NDRG3: variants seen among roughly 807,000 people sequenced by gnomAD.
NDRG3 encodes the protein NDRG family member 3.
In NDRG3, 23 loss-of-function variants were observed where a neutral mutation model predicts 57.2. The observed-to-expected ratio is 0.40, with a 90% CI of 0.29 to 0.57. The LOEUF (loss-of-function observed/expected upper bound fraction) is 0.57. Ranked by LOEUF, NDRG3 falls within the 20% of genes least tolerant of loss-of-function variation. The pLI, the probability that NDRG3 is intolerant of heterozygous loss-of-function variation, is 0.42. For synonymous variants in NDRG3, 132 were observed against 162.6 expected (o/e 0.81, Z 1.43); for missense variants, 384 against 457.3 (o/e 0.84, Z 1.46).
intron 3 of NDRG3, among the ~76,000 whole-genome samples, chr20:36,700,113 CAAAA>C (rs1294581784): frequency 6.4e-5 from 3 of 47,104 alleles, no homozygotes; most frequent in Non-Finnish European, 1.4e-4. Flanking sequence ...CAATCAGTCT[CAAAA>C]AAAAAAAAAA....
chr20:36,653,806 C>T lies in NDRG3; in HGVS notation c.947-105G>A. The T allele has an allele frequency of 9.7e-7, 1 of 1,033,084 alleles. No individual in the cohort carries two copies. Among genetic ancestry groups the T allele is most frequent in the Admixed American group, 2.3e-5 (1 of 42,790 alleles). The allele number at this position is 1,033,084 out of a possible 1,614,324, so 64.0% of individuals were successfully genotyped here. ...ATGTTTAGCTTTTCCGACTCATTTA[C>T]CATGACACCCAGGACAAGATATAGC... On this transcript the variant is annotated intron_variant, in intron 15 of 15. Transcript: ENST00000349004. This position sits in a 1 kb window ranked among gnomAD's most constrained non-coding sequence, Gnocchi z 4.2.
intron 1 of NDRG3, among the ~76,000 whole-genome samples, chr20:36,725,206 A>G (rs1984849694): frequency 6.6e-6 from 1 of 152,156 alleles, no homozygotes; most frequent in African/African-American, 2.4e-5. Flanking sequence ...CTGAGGCAGG[A>G]GAATTGCTTG....
At chr20:36,728,731 G>C (rs369732465) in intron 1 of NDRG3, among the ~76,000 whole-genome samples, 23 of 151,184 alleles carry the variant, frequency 1.5e-4, no homozygotes, top group Middle Eastern at 3.5e-3. Flanking sequence ...TGTTTTTTTG[G>C]GGGGGAGGTT....
intron 8 of NDRG3, among the ~76,000 whole-genome samples, chr20:36,674,391 C>T (rs1980462016): frequency 6.6e-6 from 1 of 151,336 alleles, no homozygotes; most frequent in Non-Finnish European, 1.5e-5. Context: ...TTAGTAGAGA[C>T]AGGGTTTCTC....
rs141850127 is a variant in NDRG3 at position 36,733,146 on chromosome 20, CAAAAAAAAAAA to C, written c.-48-11374_-48-11364del. On this transcript the variant is annotated intron_variant, in intron 1 of 15. Transcript: ENST00000349004. ...TGGGTGACGGAACACGATCCTGTCT[CAAAAAAAAAAA>C]AAAAAAAAAAAAAAATATATATATA... Among the ~76,000 whole-genome samples, 122 of 38,806 alleles carry C rather than the reference CAAAAAAAAAAA, an allele frequency of 3.1e-3. 1 individual carries two copies. The highest frequency in any genetic ancestry group is 6.2e-3 in the African/African-American group (67 of 10,830). The allele number at this position is 38,806 out of a possible 152,430, so 25.5% of individuals were successfully genotyped here. A position where few individuals can be genotyped will look rare whatever the true frequency, so the allele number is the denominator to read the frequency against.
chr20:36,698,166 C>T (rs1396070265), intron 3 of NDRG3, among the ~76,000 whole-genome samples: 1 of 151,952 alleles, frequency 6.6e-6, no homozygotes, highest in Non-Finnish European at 1.5e-5. Context: ...ACCATTTCAA[C>T]ATGTTGGCCA....
chr20:36,698,942 C>T (rs1391668642), intron 3 of NDRG3, among the ~76,000 whole-genome samples: 5 of 151,880 alleles, frequency 3.3e-5, no homozygotes, highest in Admixed American at 1.3e-4. Context: ...CATACATATA[C>T]GTACACATAT....
At chr20:36,701,548 T>C (rs1983224545) in intron 3 of NDRG3, among the ~76,000 whole-genome samples, 1 of 149,730 alleles carries the variant, frequency 6.7e-6, no homozygotes, top group Non-Finnish European at 1.5e-5. Context: ...CTGTATCTTT[T>C]TTTTTTTTTT....
intron 12 of NDRG3, among the ~76,000 whole-genome samples, chr20:36,664,108 T>C (rs1176044674): frequency 1.3e-5 from 2 of 152,136 alleles, no homozygotes; most frequent in African/African-American, 2.4e-5. Flanking sequence ...TGGCCAACAG[T>C]AACATTATTA....
At chr20:36,719,755 C>G (rs1984488520) in intron 2 of NDRG3, among the ~76,000 whole-genome samples, 1 of 149,818 alleles carries the variant, frequency 6.7e-6, no homozygotes, top group Non-Finnish European at 1.5e-5. Context: ...GCCTCACTCA[C>G]ACAAAGCTAC....
chr20:36,716,726 T>C (rs1984302254), intron 2 of NDRG3, among the ~76,000 whole-genome samples: 1 of 152,180 alleles, frequency 6.6e-6, no homozygotes, highest in African/African-American at 2.4e-5. Context: ...CAGTAGTATC[T>C]GAACCTAGTA....
At chr20:36,729,525 G>A (rs546764222) in intron 1 of NDRG3, among the ~76,000 whole-genome samples, 1 of 151,930 alleles carries the variant, frequency 6.6e-6, no homozygotes, top group South Asian at 2.1e-4. Flanking sequence ...ATTATTATTA[G>A]CAACAATCTT....
intron 3 of NDRG3, among the ~76,000 whole-genome samples, chr20:36,693,224 A>G (rs1267854096): frequency 1.4e-5 from 2 of 142,216 alleles, no homozygotes; most frequent in Non-Finnish European, 3.0e-5. Flanking sequence ...ATATGTATAT[A>G]CGTATATATA....
intron 15 of NDRG3, chr20:36,654,877 G>T: frequency 1.3e-6 from 1 of 779,600 alleles, no homozygotes; most frequent in South Asian, 1.3e-5. Flanking sequence ...GCAGGTTAGT[G>T]ACCCCAGAGT....
chr20:36,657,240 ACCTTGGGAGG>A lies in NDRG3; in HGVS notation c.859-718_859-709del, dbSNP rs200547078. On this transcript the variant is annotated intron_variant, in intron 13 of 15. Transcript: ENST00000349004. ...AGTGGCTCACACCTGTAATCCCAGC[ACCTTGGGAGG>A]CCGAGGTCGGGGGGATCACCTGAGG... Among the ~76,000 whole-genome samples the A allele has an allele frequency of 9.5e-3, 1,450 of 152,226 alleles. 24 individuals are homozygous for A. Among genetic ancestry groups the A allele is most frequent in the African/African-American group, 0.034 (1,397 of 41,542 alleles).
chr20:36,682,158 T>C (rs1466810130), intron 7 of NDRG3, among the ~76,000 whole-genome samples: 2 of 152,248 alleles, frequency 1.3e-5, no homozygotes, highest in African/African-American at 4.8e-5. Context: ...TCCTTTCCTA[T>C]GGCTATGACA....
At position 36,731,493 on chromosome 20, in the gene NDRG3, T is replaced by G. The variant is rs370099974; in HGVS notation, c.-48-9710A>C. ...TTCTCCATGCTGAAAAGCCCATGAC[T>G]ATGTACATCACTTTTTAGAAATATA... On this transcript the variant is annotated intron_variant, in intron 1 of 15. Coordinates refer to ENST00000349004, the MANE Select transcript of NDRG3 (RefSeq NM_032013.4). 2.8e-4 allele frequency among the ~76,000 whole-genome samples: 43 copies of G among 152,220 alleles called. 1 individual carries two copies. The highest frequency in any genetic ancestry group is 8.9e-4 in the African/African-American group (37 of 41,550).
chr20:36,677,856 T>C (rs1243126024), intron 8 of NDRG3, among the ~76,000 whole-genome samples: 2 of 152,194 alleles, frequency 1.3e-5, no homozygotes, highest in Non-Finnish European at 2.9e-5. Context: ...AAAGGTGCTG[T>C]GGCCACAGAA....
At chr20:36,711,023 A>T (rs1983841368) in intron 2 of NDRG3, among the ~76,000 whole-genome samples, 2 of 149,616 alleles carry the variant, frequency 1.3e-5, no homozygotes, top group Non-Finnish European at 3.0e-5. Flanking sequence ...GCTCACCCGT[A>T]TAATCCCAGC....
Sources: gnomAD v4.1 joint callset for allele counts (sites outside exome capture counted in the v4.1 genomes callset) on GRCh38, gnomAD v4.1.1 for gene constraint, Gnocchi (gnomAD v3.1) non-coding constraint, MANE v1.5 for transcripts, NCBI Gene and HGNC (gene_info 2026-07-23, HGNC 2026-07-21) for gene names.